TAF1: variants seen among roughly 807,000 people sequenced by gnomAD.
The protein encoded by TAF1 is TATA-box binding protein associated factor 1.
A neutral mutation model predicts 138.5 loss-of-function variants in TAF1; 2 were observed. The observed-to-expected ratio is 0.01, with a 90% CI of 0.01 to 0.05. TAF1 has a LOEUF of 0.05. Among genes scored for constraint, TAF1 ranks in the 10% least tolerant of loss-of-function variants. The pLI, the probability that TAF1 is intolerant of heterozygous loss-of-function variation, is 1.00. For missense variants in TAF1, 709 were observed against 1,478.0 expected (o/e 0.48, Z 8.53); for synonymous variants, 437 against 503.2 (o/e 0.87, Z 1.76).
At chrX:71,420,349 T>C in intron 28 of TAF1, 1 of 1,199,041 alleles carries the variant, frequency 8.3e-7, no homozygotes, top group Admixed American at 2.2e-5. Context: ...GAGAACTCTA[T>C]ATATGCAAAC....
At chrX:71,377,231 C>T (rs1221138911) in intron 5 of TAF1, 40 bp downstream of exon 5, 1 of 1,200,222 alleles carries the variant, frequency 8.3e-7, no homozygotes, top group East Asian at 3.0e-5. Context: ...AAACCACTGA[C>T]CTCTTCCAAA....
intron 13 of TAF1, among the ~76,000 whole-genome samples, chrX:71,510,529 G>A (rs945786417): frequency 2.5e-4 from 28 of 111,887 alleles, no homozygotes; most frequent in African/African-American, 8.7e-4. Flanking sequence ...TGATGCAGAT[G>A]GTGCCGCTAT....
At chrX:71,477,679 C>A (rs187908694) in intron 13 of TAF1, among the ~76,000 whole-genome samples, 5 of 112,188 alleles carry the variant, frequency 4.5e-5, no homozygotes, top group African/African-American at 1.6e-4. Flanking sequence ...AATTTGGATG[C>A]ATTTAACTGT....
rs977995591 is a variant in TAF1 at position 71,460,530 on chromosome X, G to A, written c.5222-96G>A. The A allele has an allele frequency of 2.0e-5, 20 of 991,844 alleles. No individual in the cohort carries two copies. In the Admixed American group the frequency reaches 5.3e-4, roughly 26 times the overall value. The allele number at this position is 991,844 out of a possible 1,213,427, so 81.7% of individuals were successfully genotyped here. On this transcript the variant is annotated intron_variant, in intron 36 of 37. Transcript: ENST00000423759. ...GTATAGGCAAGATACCTGTGTAGAT[G>A]TGTGAGAGTTACTAGTTTGGGAAGA...
chrX:71,408,265 A>G, intron 28 of TAF1, 114 bp downstream of exon 28: 2 of 866,622 alleles, frequency 2.3e-6, no homozygotes, highest in Non-Finnish European at 3.2e-6. Flanking sequence ...TTGTGCATTC[A>G]TTTGTGGGTA....
chrX:71,385,894 C>T (rs753209393), intron 14 of TAF1, among the ~76,000 whole-genome samples: 8 of 111,755 alleles, frequency 7.2e-5, no homozygotes, highest in Non-Finnish European at 1.5e-4. Flanking sequence ...AGCGTGGTGG[C>T]TCACGCCTGT....
At chrX:71,379,121 T>C in intron 8 of TAF1, 90 bp downstream of exon 8, 1 of 964,317 alleles carries the variant, frequency 1.0e-6, no homozygotes, top group Non-Finnish European at 1.4e-6. Flanking sequence ...TTTTTTTTTT[T>C]TTTTTTTCGG....
downstream of TAF1, among the ~76,000 whole-genome samples, chrX:71,467,077 G>C (rs961710775): frequency 5.0e-5 from 5 of 99,324 alleles, no homozygotes; most frequent in Non-Finnish European, 8.1e-5. Context: ...GGTGGGATGG[G>C]AGGGCATTCT....
At chrX:71,390,749 A>G (rs967194872) in intron 18 of TAF1, among the ~76,000 whole-genome samples, 1 of 111,524 alleles carries the variant, frequency 9.0e-6, no homozygotes, top group Non-Finnish European at 1.9e-5. Context: ...TAGTCCCAAC[A>G]CTTTGGGAGG....
intron 21 of TAF1, 121 bp downstream of exon 21, chrX:71,393,597 C>A: frequency 1.1e-6 from 1 of 937,292 alleles, no homozygotes; most frequent in Non-Finnish European, 1.4e-6. Context: ...AGATATCTGA[C>A]ATGTCAGGGT....
chrX:71,424,928 C>CT (rs945283201), intron 32 of TAF1, among the ~76,000 whole-genome samples: 7 of 110,710 alleles, frequency 6.3e-5, no homozygotes, highest in South Asian at 3.7e-4. Flanking sequence ...CCCAGCCAGT[C>CT]TTTTTTTTTA....
At chrX:71,429,979 C>A (rs1302693287) in intron 32 of TAF1, among the ~76,000 whole-genome samples, 1 of 111,475 alleles carries the variant, frequency 9.0e-6, no homozygotes, top group Non-Finnish European at 1.9e-5. Flanking sequence ...AGGGACTACT[C>A]CACACAAGTT....
intron 30 of TAF1, among the ~76,000 whole-genome samples, chrX:71,423,672 C>T (rs2036462914): frequency 9.0e-6 from 1 of 111,219 alleles, no homozygotes; most frequent in African/African-American, 3.3e-5. Flanking sequence ...AACAGAGTTT[C>T]CTTTTGTACT....
intron 16 of TAF1, 169 bp from the exon 17 acceptor site, chrX:71,388,569 A>G: frequency 1.1e-6 from 1 of 897,624 alleles, no homozygotes; most frequent in Non-Finnish European, 1.5e-6. Flanking sequence ...ATTGTTGGAT[A>G]TCTTCTATGA....
Position 71,378,449 on chromosome X carries a change from T to C in TAF1, c.1148T>C (p.Ile383Thr). The C allele has an allele frequency of 8.3e-7, 1 of 1,211,045 alleles. No individual in the cohort carries two copies. Among genetic ancestry groups the C allele is most frequent in the Non-Finnish European group, 1.1e-6 (1 of 894,752 alleles). Residue 383 changes from isoleucine (I) to threonine (T), a missense_variant, in exon 7 of 38, where the codon ATA becomes ACA. By Grantham distance (89) the Ile-to-Thr change is moderately conservative. Transcript: ENST00000423759. ...EHEPVIKSRM[I>T]EEFRKLEENN... Reference sequence around the variant, plus strand: ...GAACCTGTGATAAAATCTAGAATGATAGAGGTGAGCAACACTGGTATGTAA... The same window carrying C: ...GAACCTGTGATAAAATCTAGAATGACAGAGGTGAGCAACACTGGTATGTAA...
chrX:71,401,490 A>G (rs890861184), intron 24 of TAF1, 38 bp from the exon 25 acceptor site: 8 of 1,199,121 alleles, frequency 6.7e-6, no homozygotes, highest in Non-Finnish European at 7.9e-6. Flanking sequence ...GTTTCAGCCT[A>G]CTTACCTCTG....
chrX:71,383,106 C>A lies in TAF1; in HGVS notation c.1889C>A (p.Ser630Tyr), dbSNP rs146842682. Residue 630 changes from serine (S) to tyrosine (Y), a missense_variant, in exon 12 of 38, where the codon TCT becomes TAT. Around this residue, in one of 14 missense-constraint regions of TAF1, gnomAD observed 201 missense variants for 421.3 expected, o/e 0.48. Transcript: ENST00000423759. Reference protein sequence around the residue: ...PLKKYSFGALSQPGPHSVQPL... With the variant: ...PLKKYSFGALYQPGPHSVQPL... ...AAAAAGTACTCATTTGGTGCACTTT[C>A]TCAGCCAGGTCCCCACTCAGTCCAA... 4 of 1,209,297 alleles carry A rather than the reference C, an allele frequency of 3.3e-6. No individual in the cohort carries two copies. Among genetic ancestry groups the A allele is most frequent in the Non-Finnish European group, 4.5e-6 (4 of 895,229 alleles).
intron 35 of TAF1, 30 bp from the exon 36 acceptor site, chrX:71,459,522 G>A (rs2038457816): frequency 8.3e-7 from 1 of 1,204,880 alleles, no homozygotes; most frequent in East Asian, 3.0e-5. Flanking sequence ...TCAGTTGATA[G>A]GACTTTGACC....
intron 13 of TAF1, among the ~76,000 whole-genome samples, chrX:71,471,314 C>T (rs868079396): frequency 2.1e-4 from 20 of 94,126 alleles, no homozygotes; most frequent in Middle Eastern, 5.2e-3. Flanking sequence ...AGCGAGACTC[C>T]GTCTAAAAAA....
Sources: gnomAD v4.1 joint callset for allele counts (sites outside exome capture counted in the v4.1 genomes callset) on GRCh38, gnomAD v4.1.1 for gene constraint, gnomAD v4.1.1 regional missense constraint, MANE v1.5 for transcripts, NCBI Gene and HGNC (gene_info 2026-07-23, HGNC 2026-07-21) for gene names.